The following FUBP1 variants were observed in gnomAD, a reference collection of about 807,000 sequenced individuals.
FUBP1 encodes the protein far upstream element binding protein 1, also known as far upstream element-binding protein 1.
A neutral mutation model predicts 94.9 loss-of-function variants in FUBP1; 16 were observed. The observed-to-expected ratio is 0.17, with a 90% CI of 0.11 to 0.26. The LOEUF is 0.26. FUBP1 is among the 10% of genes least tolerant of loss of function. FUBP1 has a pLI of 1.00. For missense variants in FUBP1, 583 were observed against 808.6 expected, an observed-to-expected ratio of 0.72 and a Z score of 3.38; for synonymous variants, 279 against 254.9, an observed-to-expected ratio of 1.09 and a Z score of -0.90.
rs1652683779 is a variant in FUBP1, at chr1:77,948,624, TCA to T, written c.*140_*141del. 6.2e-6 allele frequency: 6 copies of T among 963,284 alleles called. No homozygotes were observed. Among genetic ancestry groups the T allele is most frequent in the Non-Finnish European group, 8.5e-6 (6 of 709,666 alleles). 59.7% of individuals were successfully genotyped at this position (963,284 alleles called of 1,614,324 possible). A position where few individuals can be genotyped will look rare whatever the true frequency, so the allele number is the denominator to read the frequency against. On this transcript the variant is annotated 3_prime_UTR_variant, in exon 20 of 20. Transcript: ENST00000370768. ...GTAGTGATAGATATTTTGTACATTT[TCA>T]AAAAAAAAAAAAAAAAAGGAAACAC...
At chr1:77,958,572 C>T (rs971571868) in intron 16 of FUBP1, among the ~76,000 whole-genome samples, 1 of 152,238 alleles carries the variant, frequency 6.6e-6, no homozygotes, top group East Asian at 1.9e-4. Flanking sequence ...GTGGGGCCAA[C>T]CAGCTGGTTT....
intron 1 of FUBP1, among the ~76,000 whole-genome samples, chr1:77,971,004 C>G (rs898031423): frequency 6.6e-6 from 1 of 151,810 alleles, no homozygotes; most frequent in African/African-American, 2.4e-5. Context: ...TATCATGCCC[C>G]TCTTGGATGA....
intron 9 of FUBP1, 59 bp downstream of exon 9, chr1:77,964,811 T>C: frequency 6.7e-7 from 1 of 1,485,180 alleles, no homozygotes; most frequent in Admixed American, 1.7e-5. Flanking sequence ...TATTCATGCA[T>C]ATTTTGCCCA....
At chr1:77,978,221 A>AT (rs1659080105) in intron 1 of FUBP1, among the ~76,000 whole-genome samples, 1 of 152,246 alleles carries the variant, frequency 6.6e-6, no homozygotes, top group Non-Finnish European at 1.5e-5. Context: ...GCACTACGTA[A>AT]TACAAAGAGG....
In FUBP1 at chr1:77,948,728, C is replaced by T; in HGVS notation, c.*38G>A. The stretch of plus-strand genomic sequence containing the variant: ...TATATTTAACAAAGGTTTTTTTCCC[C>T]CACACAATGAAGCAAATACTGTATT... On this transcript the variant is annotated 3_prime_UTR_variant, in exon 20 of 20. Transcript: ENST00000370768. The T allele has an allele frequency of 2.5e-6, 4 of 1,594,060 alleles. No homozygotes were observed. The highest frequency in any genetic ancestry group is 1.8e-5 in the Admixed American group (1 of 55,666).
Position 77,961,875 on chromosome 1 carries a change from C to T in FUBP1, c.1344+895G>A, listed in dbSNP as rs115292289. Among the ~76,000 whole-genome samples, 940 of 152,162 alleles carry T rather than the reference C, an allele frequency of 6.2e-3. 10 individuals carry two copies. The highest frequency in any genetic ancestry group is 0.021 in the African/African-American group (884 of 41,440). ...TCATTTTTTGAACCATTAAACTATC[C>T]ATACAACAGAACTCACAATGTTTGT... is the stretch of plus-strand genomic sequence containing the variant. On this transcript the variant is annotated intron_variant, in intron 14 of 19. Transcript: ENST00000370768.
In FUBP1 at chr1:77,945,285, C is replaced by A. The variant is rs1449206938; in HGVS notation, c.*3481G>T. Among the ~76,000 whole-genome samples, 1 of 151,904 alleles carries A rather than the reference C, an allele frequency of 6.6e-6. No individual in the cohort carries two copies. The highest frequency in any genetic ancestry group is 6.6e-5 in the Admixed American group (1 of 15,230). ...GTTTCAATGAGCCCCTTTATATTAT[C>A]AATTGTACATACCTATCATTGACTA... On this transcript the variant is annotated 3_prime_UTR_variant, in exon 20 of 20. Coordinates refer to ENST00000370768, the MANE Select transcript of FUBP1 (RefSeq NM_003902.5).
chr1:77,949,800 G>A (rs1653018877), intron 18 of FUBP1, among the ~76,000 whole-genome samples: 1 of 152,192 alleles, frequency 6.6e-6, no homozygotes, highest in Admixed American at 6.5e-5. Flanking sequence ...TTTAAAGACT[G>A]TATTAAGACC....
intron 1 of FUBP1, among the ~76,000 whole-genome samples, chr1:77,977,240 G>C (rs1044168972): frequency 1.3e-5 from 2 of 152,228 alleles, no homozygotes; most frequent in African/African-American, 2.4e-5. Flanking sequence ...GGGCGCAGCG[G>C]CTCACGCCTG....
At chr1:77,963,981 T>C (rs1456373772) in intron 12 of FUBP1, 81 bp downstream of exon 12, 14 of 874,242 alleles carry the variant, frequency 1.6e-5, no homozygotes, top group Non-Finnish European at 1.8e-5. Context: ...CAGACTCTGA[T>C]ATAGAGGTAA....
Position 77,962,897 on chromosome 1 carries a change from G to C in FUBP1, c.1217C>G (p.Ser406Cys). ...GETIKSISQQ[S>C]GARIELQRNP... Reference sequence around the variant, plus strand: ...TCTCTGAAGTTCTATTCTTGCACCAGACTGCTGGCTTATGCTTTTTATGGT... The same window carrying C: ...TCTCTGAAGTTCTATTCTTGCACCACACTGCTGGCTTATGCTTTTTATGGT... Residue 406 changes from serine to cysteine, a missense_variant, in exon 14 of 20, where the codon TCT (serine) becomes TGT (cysteine). Physicochemically the swap from Ser to Cys is moderately radical, Grantham distance 112. Coordinates refer to ENST00000370768, the MANE Select transcript of FUBP1 (RefSeq NM_003902.5). The C allele has an allele frequency of 6.2e-7, 1 of 1,613,022 alleles. No homozygotes were observed. The highest frequency in any genetic ancestry group is 8.5e-7 in the Non-Finnish European group (1 of 1,179,148).
At chr1:77,952,661 G>C (rs1653699006) in intron 18 of FUBP1, among the ~76,000 whole-genome samples, 1 of 152,094 alleles carries the variant, frequency 6.6e-6, no homozygotes, top group Admixed American at 6.6e-5. Flanking sequence ...TATGCTTTAA[G>C]GTTTCTTATT....
At chr1:77,972,261 C>T (rs965336601) in intron 1 of FUBP1, among the ~76,000 whole-genome samples, 1 of 152,004 alleles carries the variant, frequency 6.6e-6, no homozygotes, top group Non-Finnish European at 1.5e-5. Flanking sequence ...GTATTTCAGG[C>T]CAGAGAAAAT....
intron 16 of FUBP1, 109 bp from the exon 17 acceptor site, chr1:77,956,809 A>G (rs1357271438): frequency 3.2e-6 from 2 of 619,228 alleles, no homozygotes; most frequent in Non-Finnish European, 5.3e-6. Context: ...AGCCCCCAAA[A>G]TTAACTAGAA....
intron 14 of FUBP1, 146 bp from the exon 15 acceptor site, chr1:77,960,641 A>C (rs1171095706): frequency 1.7e-6 from 1 of 590,006 alleles, no homozygotes; most frequent in Non-Finnish European, 2.9e-6. Context: ...TTCATTTTGC[A>C]AAAACTATTT....
chr1:77,956,766 C>CACACACA, intron 16 of FUBP1, 66 bp from the exon 17 acceptor site: 2 of 1,210,970 alleles, frequency 1.7e-6, no homozygotes, highest in Non-Finnish European at 2.3e-6. Context: ...CACACACACA[C>CACACACA]CACCCCCCCG....
chr1:77,977,011 A>G lies in FUBP1; in HGVS notation c.120+1874T>C, dbSNP rs998890409. Among the ~76,000 whole-genome samples the G allele has an allele frequency of 3.9e-5, 6 of 152,152 alleles. No homozygotes were observed. In the East Asian group the frequency reaches 5.8e-4, roughly 15 times the overall value. On this transcript the variant is annotated intron_variant, in intron 1 of 19. Coordinates refer to ENST00000370768, the MANE Select transcript of FUBP1 (RefSeq NM_003902.5). Reference sequence around the variant, plus strand: ...TTTCATTTTATAATGTCTTGCTCATATATCACCTTTACTTAGGAAATTGGG... The same window carrying G: ...TTTCATTTTATAATGTCTTGCTCATGTATCACCTTTACTTAGGAAATTGGG...
intron 18 of FUBP1, among the ~76,000 whole-genome samples, chr1:77,950,574 AGT>A (rs1653254502): frequency 1.3e-5 from 2 of 152,226 alleles, no homozygotes; most frequent in Admixed American, 1.3e-4. Context: ...GATGAAGCTG[AGT>A]GTCTGATGCC....
At chr1:77,951,180 C>G (rs1653394947) in intron 18 of FUBP1, among the ~76,000 whole-genome samples, 3 of 152,090 alleles carry the variant, frequency 2.0e-5, no homozygotes, top group Admixed American at 6.5e-5. Flanking sequence ...GTTTTAAACC[C>G]CATTGTAAGA....
Sources: gnomAD v4.1 joint callset for allele counts (sites outside exome capture counted in the v4.1 genomes callset) on GRCh38, gnomAD v4.1.1 for gene constraint, MANE v1.5 for transcripts, NCBI Gene and HGNC (gene_info 2026-07-23, HGNC 2026-07-21) for gene names.